PALM2AKAP2: variants seen among roughly 807,000 people sequenced by gnomAD.
The protein encoded by PALM2AKAP2 is PALM2 and AKAP2 fusion.
PALM2AKAP2 carries 37 observed loss-of-function variants against 71.5 expected under a neutral mutation model. The ratio of observed to expected loss-of-function variants is 0.52; its 90% CI spans 0.40 to 0.68. PALM2AKAP2 has a LOEUF of 0.68. Among genes scored for constraint, PALM2AKAP2 ranks in the 30% least tolerant of loss-of-function variants. The probability of loss-of-function intolerance (pLI) is 0.00; values close to 1 mark genes in which losing one functional copy is unlikely to be tolerated. For synonymous variants in PALM2AKAP2, 468 were observed against 478.8 expected, an observed-to-expected ratio of 0.98 and a Z score of 0.29; for missense variants, 1,224 against 1,191.8, an observed-to-expected ratio of 1.03 and a Z score of -0.40.
intron 2 of PALM2AKAP2, among the ~76,000 whole-genome samples, chr9:109,878,001 G>A (rs1024217642): frequency 1.4e-4 from 21 of 152,202 alleles, no homozygotes; most frequent in African/African-American, 5.1e-4. Context: ...TTAAAAAATG[G>A]CCTCTCATAA....
chr9:110,099,622 G>C (rs1834943661), intron 1 of PALM2AKAP2, among the ~76,000 whole-genome samples: 1 of 152,162 alleles, frequency 6.6e-6, no homozygotes, highest in African/African-American at 2.4e-5. Flanking sequence ...TTAATGAATA[G>C]GTTGCCCCCA....
At chr9:109,777,968 A>T (rs1177782351), upstream of PALM2AKAP2, among the ~76,000 whole-genome samples, 1 of 152,128 alleles carries the variant, frequency 6.6e-6, no homozygotes, top group Non-Finnish European at 1.5e-5. Flanking sequence ...AGATATTTCC[A>T]ACTGATCACT....
At chr9:109,998,626 C>CG (rs200124044) in intron 6 of PALM2AKAP2, among the ~76,000 whole-genome samples, 2,345 of 19,146 alleles carry the variant, frequency 0.12, 133 homozygotes, top group African/African-American at 0.39. Flanking sequence ...CTGACCAGGG[C>CG]GGGGGAGTGG....
intron 1 of PALM2AKAP2, among the ~76,000 whole-genome samples, chr9:110,058,897 G>GTTT (rs1833901361): frequency 6.6e-4 from 75 of 113,442 alleles, no homozygotes; most frequent in African/African-American, 2.8e-3. Context: ...AAAGTTTTTT[G>GTTT]GTTTTTTTTT....
At chr9:110,060,572 A>T (rs1833942540) in intron 1 of PALM2AKAP2, among the ~76,000 whole-genome samples, 1 of 151,900 alleles carries the variant, frequency 6.6e-6, no homozygotes, top group African/African-American at 2.4e-5. Flanking sequence ...CACTCTCATG[A>T]GGAAAGAGGG....
chr9:109,916,355 G>A (rs566479437), intron 3 of PALM2AKAP2, among the ~76,000 whole-genome samples: 2 of 152,374 alleles, frequency 1.3e-5, no homozygotes, highest in South Asian at 4.1e-4. Context: ...TAGGCTCTCA[G>A]CAGAGCCTTG....
At chr9:109,860,455 T>A (rs539344846) in intron 1 of PALM2AKAP2, among the ~76,000 whole-genome samples, 2 of 152,286 alleles carry the variant, frequency 1.3e-5, no homozygotes, top group South Asian at 4.1e-4. Context: ...AAAACCTAGG[T>A]ATCCTGGCAA....
chr9:110,088,480 C>A (rs1424024287), intron 1 of PALM2AKAP2, among the ~76,000 whole-genome samples: 1 of 152,150 alleles, frequency 6.6e-6, no homozygotes, highest in African/African-American at 2.4e-5. Flanking sequence ...ATCTGCCACA[C>A]AAGAAAAGGG....
chr9:109,973,487 C>A (rs1832110418), intron 6 of PALM2AKAP2, among the ~76,000 whole-genome samples: 1 of 152,168 alleles, frequency 6.6e-6, no homozygotes, highest in Admixed American at 6.5e-5. Flanking sequence ...CTCTTAAAGT[C>A]ATGCTTGGAT....
intron 3 of PALM2AKAP2, among the ~76,000 whole-genome samples, chr9:109,883,137 T>C (rs1207999230): frequency 1.3e-5 from 2 of 152,148 alleles, no homozygotes; most frequent in East Asian, 3.8e-4. Flanking sequence ...AAATTGACCA[T>C]TGGAAGGAGG....
chr9:110,013,497 G>A (rs987667521), intron 6 of PALM2AKAP2, among the ~76,000 whole-genome samples: 2 of 152,182 alleles, frequency 1.3e-5, no homozygotes, highest in East Asian at 3.8e-4. Context: ...ATCTATTCAT[G>A]TAGGAGCAAA....
intron 1 of PALM2AKAP2, among the ~76,000 whole-genome samples, chr9:109,654,734 CTGTA>C (rs1424323927): frequency 7.3e-6 from 1 of 137,686 alleles, no homozygotes; most frequent in Non-Finnish European, 1.6e-5. Flanking sequence ...TTAGAGGTGC[CTGTA>C]TGTATGTGTA....
intron 1 of PALM2AKAP2, among the ~76,000 whole-genome samples, chr9:110,053,031 G>C (rs1833742684): frequency 6.6e-6 from 1 of 152,182 alleles, no homozygotes; most frequent in Non-Finnish European, 1.5e-5. Context: ...ACTTTCTCCA[G>C]GGTTTGGTGG....
rs530860204 is a variant in PALM2AKAP2 at position 109,953,094 on chromosome 9, AG to A, written c.496+21067del. Among the ~76,000 whole-genome samples, 383 of 152,348 alleles carry A rather than the reference AG, an allele frequency of 2.5e-3. 1 individual carries two copies. Among genetic ancestry groups the A allele is most frequent in the African/African-American group, 8.5e-3 (352 of 41,586 alleles). ...CCTTTAGATTTGTGACTAGTTTTGTAGTACATTGAACCTTATGAAATTGCCA... is the reference window on the plus strand; with the variant it reads ...CCTTTAGATTTGTGACTAGTTTTGTATACATTGAACCTTATGAAATTGCCA... On this transcript the variant is annotated intron_variant, in intron 6 of 9. Coordinates refer to the PALM2AKAP2 transcript ENST00000302798.
chr9:110,079,467 G>A (rs2118679228), intron 1 of PALM2AKAP2, among the ~76,000 whole-genome samples: 1 of 152,276 alleles, frequency 6.6e-6, no homozygotes, highest in African/African-American at 2.4e-5. Context: ...CTGGACTCCA[G>A]CCTGGGCGAC....
At chr9:109,744,705 C>T (rs1380512138) in intron 1 of PALM2AKAP2, among the ~76,000 whole-genome samples, 1 of 152,152 alleles carries the variant, frequency 6.6e-6, no homozygotes, top group Non-Finnish European at 1.5e-5. Context: ...AACTGGGATT[C>T]CAGGAATGTT....
chr9:110,055,700 A>C (rs1833824151), intron 1 of PALM2AKAP2, among the ~76,000 whole-genome samples: 1 of 152,194 alleles, frequency 6.6e-6, no homozygotes, highest in South Asian at 2.1e-4. Context: ...CAGAGTATGG[A>C]TAAACAGTGA....
intron 6 of PALM2AKAP2, among the ~76,000 whole-genome samples, chr9:109,998,562 G>A (rs556989795): frequency 7.4e-6 from 1 of 135,658 alleles, no homozygotes; most frequent in African/African-American, 2.9e-5. Flanking sequence ...TCATCATCTG[G>A]GATCTTATTT....
intron 1 of PALM2AKAP2, among the ~76,000 whole-genome samples, chr9:109,786,987 T>C (rs1462612777): frequency 6.6e-6 from 1 of 152,248 alleles, no homozygotes; most frequent in East Asian, 1.9e-4. Flanking sequence ...TTTGGGAATG[T>C]TGATGAACTT....
Sources: allele counts gnomAD v4.1 joint callset (sites outside exome capture counted in the v4.1 genomes callset), GRCh38; gene constraint gnomAD v4.1.1; transcripts MANE v1.5; gene names NCBI Gene and HGNC (gene_info 2026-07-23, HGNC 2026-07-21).